The following INPP5A variants were observed in gnomAD, a reference collection of about 807,000 sequenced individuals.
INPP5A encodes the protein inositol polyphosphate-5-phosphatase A, also known as 43 kDa inositol polyphosphate 5-phophatase.
Under a neutral mutation model 65.2 loss-of-function variants are expected in INPP5A, and 14 were observed. The observed-to-expected ratio is 0.21, with a 90% confidence interval of 0.14 to 0.34. The LOEUF (loss-of-function observed/expected upper bound fraction) is 0.34. Among genes scored for constraint, INPP5A ranks in the 10% least tolerant of loss-of-function variants. The pLI is 1.00. For synonymous variants in INPP5A, 207 were observed against 208.3 expected (o/e 0.99, Z 0.05); for missense variants, 431 against 545.6 (o/e 0.79, Z 2.09).
At chr10:132,564,252 A>G (rs1227294232) in intron 1 of INPP5A, among the ~76,000 whole-genome samples, 1 of 152,130 alleles carries the variant, frequency 6.6e-6, no homozygotes, top group East Asian at 1.9e-4. Flanking sequence ...CTGGGGTGAC[A>G]CATGATCCTG....
Position 132,726,825 on chromosome 10 carries a change from A to C in INPP5A, c.652A>C (p.Ile218Leu). The C allele has an allele frequency of 6.3e-7, 1 of 1,598,098 alleles. No homozygotes were observed. Among genetic ancestry groups the C allele is most frequent in the East Asian group, 2.2e-5 (1 of 44,472 alleles). Residue 218 changes from isoleucine (I) to leucine (L), a missense_variant, in exon 9 of 16, where the codon ATT (isoleucine) becomes CTT (leucine). Coordinates refer to ENST00000368594, the MANE Select transcript of INPP5A (RefSeq NM_005539.5). Reference sequence around the variant, plus strand: ...AAGTCCTCTTTTTCTTTCCAGAATCATTGATCAGCGATTCGAGAAGGTTTC... The same window carrying C: ...AAGTCCTCTTTTTCTTTCCAGAATCCTTGATCAGCGATTCGAGAAGGTTTC... ...KALGYVLDRI[I>L]DQRFEKVSYF...
chr10:132,692,341 GAGT>G (rs1845281713), intron 5 of INPP5A, among the ~76,000 whole-genome samples: 1 of 152,182 alleles, frequency 6.6e-6, no homozygotes, highest in Admixed American at 6.5e-5. Context: ...ACCCCAGTAG[GAGT>G]AGAAGGAAAG....
chr10:132,574,588 G>A lies in INPP5A; in HGVS notation c.76-33327G>A, dbSNP rs529635419. Among the ~76,000 whole-genome samples the A allele has an allele frequency of 3.3e-5, 5 of 151,756 alleles. No individual in the cohort carries two copies. The South Asian group carries it at 8.3e-4, about 25-fold the overall frequency. ...GGGAGGGGTGAACAGAGGTCTTAGG[G>A]AGGGTGTTTTTCTCTTTTTTTTCTT... On this transcript the variant is annotated intron_variant, in intron 1 of 15. Transcript: ENST00000368594.
At chr10:132,591,615 G>C (rs1395922326) in intron 1 of INPP5A, among the ~76,000 whole-genome samples, 1 of 152,236 alleles carries the variant, frequency 6.6e-6, no homozygotes, top group African/African-American at 2.4e-5. Flanking sequence ...TCTTCCAGCA[G>C]GCCTTCCGCC....
chr10:132,684,552 A>C (rs1473081023), intron 4 of INPP5A, among the ~76,000 whole-genome samples: 1 of 152,232 alleles, frequency 6.6e-6, no homozygotes, highest in Non-Finnish European at 1.5e-5. Context: ...GTAAGTTCAC[A>C]GGATGTGGTG....
At chr10:132,720,471 C>T (rs1185137932) in intron 8 of INPP5A, among the ~76,000 whole-genome samples, 2 of 149,756 alleles carry the variant, frequency 1.3e-5, no homozygotes, top group African/African-American at 2.5e-5. Context: ...TCTGTGGTAC[C>T]TGGGTTCTGT....
At chr10:132,571,446 G>C (rs1214575684) in intron 1 of INPP5A, among the ~76,000 whole-genome samples, 1 of 152,268 alleles carries the variant, frequency 6.6e-6, no homozygotes, top group Non-Finnish European at 1.5e-5. Flanking sequence ...GGTGAACACA[G>C]AGGCCCAGCT....
intron 4 of INPP5A, among the ~76,000 whole-genome samples, chr10:132,653,100 G>A (rs969498492): frequency 2.6e-5 from 4 of 152,226 alleles, no homozygotes; most frequent in African/African-American, 7.2e-5. Flanking sequence ...CGCGTGCTGG[G>A]CCCTGGCCAG....
chr10:132,670,529 G>A (rs1033941947), intron 4 of INPP5A, among the ~76,000 whole-genome samples: 2 of 148,120 alleles, frequency 1.4e-5, no homozygotes, highest in South Asian at 2.2e-4. Context: ...CACAGCCCTG[G>A]CCCAGAAGCA....
At position 132,727,699 on chromosome 10, in the gene INPP5A, C is replaced by T. The variant is rs1034148312; in HGVS notation, c.732+794C>T. 9.9e-5 allele frequency among the ~76,000 whole-genome samples: 15 copies of T among 152,204 alleles called. No homozygotes were observed. The highest frequency in any genetic ancestry group is 3.6e-4 in the African/African-American group (15 of 41,440). On this transcript the variant is annotated intron_variant, in intron 9 of 15. Transcript: ENST00000368594. This position sits in a 1 kb window ranked among gnomAD's most constrained non-coding sequence, Gnocchi z 6.5. ...TGGCCCTGCTGCCCTCACCCTCAGC[C>T]TCCCTGGTGGCCCCTCCAGGTGCTG... is the stretch of plus-strand genomic sequence containing the variant.
chr10:132,556,633 C>T (rs1408945580), intron 1 of INPP5A, among the ~76,000 whole-genome samples: 4 of 152,236 alleles, frequency 2.6e-5, no homozygotes, highest in Non-Finnish European at 5.9e-5. Context: ...TCCCACCAGG[C>T]CGTCGGAGAG....
chr10:132,778,122 A>C (rs193284869), intron 13 of INPP5A, among the ~76,000 whole-genome samples: 1 of 152,238 alleles, frequency 6.6e-6, no homozygotes, highest in African/African-American at 2.4e-5. Context: ...TGTGCGTTCC[A>C]GCGCTCATGG....
rs1217100418 is a variant in INPP5A, at chr10:132,708,171, T to TA, written c.475-142_475-141insA. ...GGATAGGTGCACAGCTCGGTTCTCT[T>TA]TAGTGGGGCGGCATCAGTGCCGGAA... is the stretch of plus-strand genomic sequence containing the variant. On this transcript the variant is annotated intron_variant, in intron 6 of 15. Coordinates refer to ENST00000368594, the MANE Select transcript of INPP5A (RefSeq NM_005539.5). 2.9e-5 allele frequency: 20 copies of TA among 697,968 alleles called. No homozygotes were observed. In the African/African-American group the frequency reaches 3.6e-4, roughly 12 times the overall value. The allele number at this position is 697,968 out of a possible 1,614,324, so 43.2% of individuals were successfully genotyped here. A position where few individuals can be genotyped will look rare whatever the true frequency, so the allele number is the denominator to read the frequency against.
chr10:132,773,992 GCT>G (rs1297608754), intron 12 of INPP5A, among the ~76,000 whole-genome samples: 1 of 152,200 alleles, frequency 6.6e-6, no homozygotes, highest in African/African-American at 2.4e-5. Context: ...AAACTCCTGG[GCT>G]CAAGTGATCC....
chr10:132,736,814 C>G (rs764018499), intron 9 of INPP5A, among the ~76,000 whole-genome samples: 10 of 152,264 alleles, frequency 6.6e-5, no homozygotes, highest in Non-Finnish European at 1.5e-4. Flanking sequence ...GGTCATGGCC[C>G]CCCACAGCCC....
chr10:132,541,287 C>T (rs2070903577), intron 1 of INPP5A, among the ~76,000 whole-genome samples: 1 of 152,304 alleles, frequency 6.6e-6, no homozygotes, highest in East Asian at 1.9e-4. Flanking sequence ...CCAGAGGTCA[C>T]CCCTCTCAAA....
chr10:132,670,949 G>A (rs981199640), intron 4 of INPP5A, among the ~76,000 whole-genome samples: 6 of 151,200 alleles, frequency 4.0e-5, no homozygotes, highest in Non-Finnish European at 7.4e-5. Context: ...CTTGACGGGC[G>A]TCACTTTTCC....
At chr10:132,713,960 A>T (rs1008363425) in intron 8 of INPP5A, among the ~76,000 whole-genome samples, 1 of 151,970 alleles carries the variant, frequency 6.6e-6, no homozygotes, top group African/African-American at 2.4e-5. Flanking sequence ...GCCCAGGGAG[A>T]AGGGCCTCAC....
chr10:132,763,765 CGT>C (rs1229564250), intron 11 of INPP5A, among the ~76,000 whole-genome samples: 1 of 151,168 alleles, frequency 6.6e-6, no homozygotes, highest in Non-Finnish European at 1.5e-5. Flanking sequence ...ACACACATGC[CGT>C]TGCACACATA....
Sources: allele counts gnomAD v4.1 joint callset (sites outside exome capture counted in the v4.1 genomes callset), GRCh38; gene constraint gnomAD v4.1.1; non-coding constraint Gnocchi (gnomAD v3.1); transcripts MANE v1.5; gene names NCBI Gene and HGNC (gene_info 2026-07-23, HGNC 2026-07-21).